OSBPL7: variants seen among roughly 807,000 people sequenced by gnomAD.
OSBPL7 encodes the protein oxysterol binding protein like 7, also known as oxysterol-binding protein-related protein 7.
Under a neutral mutation model 115.8 loss-of-function variants are expected in OSBPL7, and 66 were observed. The ratio of observed to expected loss-of-function variants is 0.57; its 90% confidence interval spans 0.47 to 0.70. OSBPL7 has a LOEUF of 0.70. Among genes scored for constraint, OSBPL7 ranks in the 30% least tolerant of loss-of-function variants. OSBPL7 has a pLI of 0.00. For synonymous variants in OSBPL7, 441 were observed against 439.2 expected (o/e 1.00, Z -0.05); for missense variants, 902 against 1,125.5 (o/e 0.80, Z 2.84).
intron 8 of OSBPL7, 149 bp from the exon 9 acceptor site, chr17:47,817,021 G>T: frequency 1.2e-6 from 1 of 803,504 alleles, no homozygotes. Flanking sequence ...CAGGCAGGGC[G>T]ACAGAGACAA....
Position 47,813,580 on chromosome 17 carries a change from C to T in OSBPL7, c.1599+7G>A. On this transcript the variant is annotated splice_region_variant and intron_variant, in intron 15 of 22. Transcript: ENST00000007414. ...TTGGGCTGGGCGTGAGGACAGGAAG[C>T]AGGTACCATGCGCTCGCAGGGGTCG... 6.2e-7 allele frequency: 1 copy of T among 1,607,280 alleles called. No individual in the cohort carries two copies. Among genetic ancestry groups the T allele is most frequent in the South Asian group, 1.1e-5 (1 of 90,720 alleles).
chr17:47,820,110 C>G lies in OSBPL7; in HGVS notation c.76-14G>C. ...CAGCTCAGAGGCCTGCAGTCCAGGA[C>G]AGAGGGAGGGGAGCACTGGTGAGAC... On this transcript the variant is annotated splice_polypyrimidine_tract_variant and intron_variant, in intron 2 of 22. Transcript: ENST00000007414. 6.2e-7 allele frequency: 1 copy of G among 1,613,008 alleles called. No individual in the cohort carries two copies. Among genetic ancestry groups the G allele is most frequent in the Non-Finnish European group, 8.5e-7 (1 of 1,179,900 alleles).
In OSBPL7 at chr17:47,820,091, A is replaced by G. The variant is rs1467819750; in HGVS notation, c.81T>C (p.Ser27=). 1 of 1,612,746 alleles carries G rather than the reference A, an allele frequency of 6.2e-7. No homozygotes were observed. The highest frequency in any genetic ancestry group is 8.5e-7 in the Non-Finnish European group (1 of 1,179,898). The change falls in exon 3 of 23, where the codon TCT becomes TCC. Residue 27 remains serine (S), a synonymous_variant. Coordinates refer to ENST00000007414, the MANE Select transcript of OSBPL7 (RefSeq NM_145798.3). ...GCTCCTCCACCACCTCCCACAGCTCAGAGGCCTGCAGTCCAGGACAGAGGG... is the reference window on the plus strand; with the variant it reads ...GCTCCTCCACCACCTCCCACAGCTCGGAGGCCTGCAGTCCAGGACAGAGGG... ...SSKPSSAQQA[S]ELWEVVEEPR...
rs768493047 is a variant in OSBPL7, at chr17:47,813,382, C to T, written c.1621G>A (p.Val541Ile). Residue 541 changes from valine (V) to isoleucine (I), a missense_variant, in exon 16 of 23, where the codon GTC becomes ATC. Physicochemically the swap from Val to Ile is conservative, Grantham distance 29. Coordinates refer to ENST00000007414, the MANE Select transcript of OSBPL7 (RefSeq NM_145798.3). ...TGGTATGTGGAGGAGTAGGCCGAGACAGCAAAGGCTGCGATGTACACCTGT... is the reference window on the plus strand; with the variant it reads ...TGGTATGTGGAGGAGTAGGCCGAGATAGCAAAGGCTGCGATGTACACCTGT... ...ERMVYIAAFAVSAYSSTYHRA... is the reference protein window; with the variant it reads ...ERMVYIAAFAISAYSSTYHRA... 6.2e-7 allele frequency: 1 copy of T among 1,614,004 alleles called. No homozygotes were observed. The highest frequency in any genetic ancestry group is 1.1e-5 in the South Asian group (1 of 91,080).
intron 5 of OSBPL7, 101 bp downstream of exon 5, chr17:47,818,885 C>T: frequency 9.2e-7 from 1 of 1,084,942 alleles, no homozygotes; most frequent in Non-Finnish European, 1.4e-6. Context: ...AACTCAGAGA[C>T]AGACCCTGAG....
rs1855597922 is a variant in OSBPL7, at chr17:47,816,259, C to T, written c.1024-57G>A. On this transcript the variant is annotated intron_variant, in intron 11 of 22. Coordinates refer to ENST00000007414, the MANE Select transcript of OSBPL7 (RefSeq NM_145798.3). The surrounding 1 kb of genome is among the most constrained non-coding windows in gnomAD (Gnocchi z 5.8). ...GGAGGATGAGGTCCTCCCCACCTTG[C>T]CGCATCTCTGCAGAGACTGCCTCTG... 1 of 1,517,816 alleles carries T rather than the reference C, an allele frequency of 6.6e-7. No individual in the cohort carries two copies. Among genetic ancestry groups the T allele is most frequent in the Non-Finnish European group, 8.9e-7 (1 of 1,122,020 alleles). 94.0% of individuals were successfully genotyped at this position (1,517,816 alleles called of 1,614,324 possible).
intron 20 of OSBPL7, 22 bp downstream of exon 20, chr17:47,809,054 C>T (rs2032948067): frequency 1.2e-6 from 2 of 1,613,854 alleles, no homozygotes; most frequent in East Asian, 2.2e-5. Flanking sequence ...CTCACCCAGC[C>T]CTCTGTGACC....
chr17:47,818,664 C>T (rs772231296), intron 5 of OSBPL7, 48 bp from the exon 6 acceptor site: 3 of 1,504,880 alleles, frequency 2.0e-6, no homozygotes, highest in Non-Finnish European at 2.7e-6. Flanking sequence ...AGAGGGACCA[C>T]TTTCCAAGAG....
rs2033153007 is a variant in OSBPL7 at position 47,814,558 on chromosome 17, C to T, written c.1314G>A (p.Glu438=). 6.6e-7 allele frequency: 1 copy of T among 1,525,988 alleles called. No homozygotes were observed. Among genetic ancestry groups the T allele is most frequent in the East Asian group, 2.6e-5 (1 of 37,808 alleles). The allele number at this position is 1,525,988 out of a possible 1,614,324, so 94.5% of individuals were successfully genotyped here. ...GCTCAGCTCCCCTGAGGTCCAGCATCTCCTCAGACAGGCTGGTGGTGATTT... is the reference window on the plus strand; with the variant it reads ...GCTCAGCTCCCCTGAGGTCCAGCATTTCCTCAGACAGGCTGGTGGTGATTT... ...TSEITTSLSE[E]MLDLRGAERC... The change falls in exon 14 of 23, where the codon GAG becomes GAA. Residue 438 remains glutamate (E), a synonymous_variant. Coordinates refer to ENST00000007414, the MANE Select transcript of OSBPL7 (RefSeq NM_145798.3).
chr17:47,809,250 G>A (rs370989837), intron 19 of OSBPL7, 30 bp from the exon 20 acceptor site: 131 of 1,613,290 alleles, frequency 8.1e-5, no homozygotes, highest in Middle Eastern at 3.3e-4. Flanking sequence ...GTTTAGGGAG[G>A]TGTCCCCTCC....
At chr17:47,821,150 G>T (rs939525606) in intron 1 of OSBPL7, among the ~76,000 whole-genome samples, 1 of 152,208 alleles carries the variant, frequency 6.6e-6, no homozygotes, top group South Asian at 2.1e-4. Context: ...GTGCCCACAG[G>T]CACCCTTGGC....
At chr17:47,815,177 C>T (rs1017798105) in intron 13 of OSBPL7, 38 bp downstream of exon 13, 2 of 1,596,244 alleles carry the variant, frequency 1.3e-6, no homozygotes, top group Admixed American at 1.7e-5. Context: ...CAAGGTCCCC[C>T]CTACCCCGCC....
intron 17 of OSBPL7, 39 bp from the exon 18 acceptor site, chr17:47,810,711 A>T: frequency 6.2e-7 from 1 of 1,612,838 alleles, no homozygotes; most frequent in East Asian, 2.2e-5. Context: ...AACAACAGAG[A>T]TAAGGCCAGA....
rs8072098 is a variant in OSBPL7 at position 47,818,252 on chromosome 17, C to T, written c.598+17G>A. 85 of 1,601,074 alleles carry T rather than the reference C, an allele frequency of 5.3e-5. No individual in the cohort carries two copies. The highest frequency in any genetic ancestry group is 1.3e-4 in the East Asian group (6 of 44,790). On this transcript the variant is annotated intron_variant, in intron 7 of 22. Transcript: ENST00000007414. ...TTGGGGCCTACCCTTGGAGGTGCTG[C>T]GCCTAGGGCCCCTCACCATGAGAGC...
At chr17:47,814,316 C>T (rs2143539447) in intron 14 of OSBPL7, among the ~76,000 whole-genome samples, 1 of 152,336 alleles carries the variant, frequency 6.6e-6, no homozygotes, top group East Asian at 1.9e-4. Flanking sequence ...GCCCCAAGGC[C>T]TGAGCCTGGC....
At position 47,815,756 on chromosome 17, in the gene OSBPL7, T is replaced by C. The variant is rs2033194234; in HGVS notation, c.1119+351A>G. 9.5e-6 allele frequency: 3 copies of C among 316,964 alleles called. No individual in the cohort carries two copies. The South Asian group carries it at 1.6e-4, about 17-fold the overall frequency. 19.6% of individuals were successfully genotyped at this position (316,964 alleles called of 1,614,324 possible). A position where few individuals can be genotyped will look rare whatever the true frequency, so the allele number is the denominator to read the frequency against. Reference sequence around the variant, plus strand: ...GGCAGGAGAGCCAGATTTGAACCCGTGGAACGTAGCCCCAGCGTCTGTGCT... The same window carrying C: ...GGCAGGAGAGCCAGATTTGAACCCGCGGAACGTAGCCCCAGCGTCTGTGCT... On this transcript the variant is annotated intron_variant, in intron 12 of 22. Coordinates refer to ENST00000007414, the MANE Select transcript of OSBPL7 (RefSeq NM_145798.3).
chr17:47,818,198 TA>T, intron 7 of OSBPL7, 70 bp downstream of exon 7: 2 of 1,325,466 alleles, frequency 1.5e-6, no homozygotes, highest in East Asian at 2.3e-5. Context: ...GGGATGGAGG[TA>T]ACATTTTCCC....
rs777301764 is a variant in OSBPL7 at position 47,809,109 on chromosome 17, G to T, written c.2137C>A (p.Pro713Thr). 1.6e-5 allele frequency: 26 copies of T among 1,614,144 alleles called. No individual in the cohort carries two copies. Among genetic ancestry groups the T allele is most frequent in the Non-Finnish European group, 2.1e-5 (25 of 1,180,050 alleles). Residue 713 changes from proline to threonine, a missense_variant, in exon 20 of 23, where the codon CCC (proline) becomes ACC (threonine). Physicochemically the swap from Pro to Thr is conservative, Grantham distance 38 (BLOSUM62 -1). Transcript: ENST00000007414. The stretch of plus-strand genomic sequence containing the variant: ...CAGATGCACTGGCCACCTGGCGTGG[G>T]TCCCCGGTACAGCCCCTCGTGCCAC... ...GKWHEGLYRG[P>T]TPGGQCIWKP...
At position 47,816,020 on chromosome 17, in the gene OSBPL7, A is replaced by C; in HGVS notation, c.1119+87T>G. The C allele has an allele frequency of 7.9e-7, 1 of 1,270,362 alleles. No homozygotes were observed. The allele number at this position is 1,270,362 out of a possible 1,614,324, so 78.7% of individuals were successfully genotyped here. ...TGGGCTGTCTTTGGGACTAAAAACC[A>C]ACTTTGCCCACTGCCCTGGGCCTTG... On this transcript the variant is annotated intron_variant, in intron 12 of 22. Coordinates refer to ENST00000007414, the MANE Select transcript of OSBPL7 (RefSeq NM_145798.3). This position sits in a 1 kb window ranked among gnomAD's most constrained non-coding sequence, Gnocchi z 5.8.
Sources: gnomAD v4.1 joint callset for allele counts (sites outside exome capture counted in the v4.1 genomes callset) on GRCh38, gnomAD v4.1.1 for gene constraint, Gnocchi (gnomAD v3.1) non-coding constraint, MANE v1.5 for transcripts, NCBI Gene and HGNC (gene_info 2026-07-23, HGNC 2026-07-21) for gene names.